PCSK1: variants seen among roughly 807,000 people sequenced by gnomAD.
The protein encoded by PCSK1 is neuroendocrine convertase 1.
A neutral mutation model predicts 90.6 loss-of-function variants in PCSK1; 56 were observed. The observed-to-expected ratio is 0.62, with a 90% CI of 0.50 to 0.77. The LOEUF (loss-of-function observed/expected upper bound fraction) is 0.77. Ranked by LOEUF, PCSK1 falls within the 30% of genes least tolerant of loss-of-function variation. PCSK1 has a pLI of 0.00. For synonymous variants in PCSK1, 348 were observed against 342.4 expected (o/e 1.02, Z -0.18); for missense variants, 801 against 932.6 (o/e 0.86, Z 1.84).
At chr5:96,419,562 C>A (rs1031264573) in intron 5 of PCSK1, among the ~76,000 whole-genome samples, 1 of 151,332 alleles carries the variant, frequency 6.6e-6, no homozygotes, top group Non-Finnish European at 1.5e-5. Flanking sequence ...GATCACCCAA[C>A]TACTAAGTGG....
intron 1 of PCSK1, among the ~76,000 whole-genome samples, chr5:96,429,520 G>A (rs902885877): frequency 2.6e-5 from 4 of 151,944 alleles, no homozygotes; most frequent in African/African-American, 4.8e-5. Context: ...CTTGTGTCAC[G>A]GGGTATTTTT....
chr5:96,393,525 G>T, intron 13 of PCSK1, 147 bp from the exon 14 acceptor site: 2 of 960,720 alleles, frequency 2.1e-6, no homozygotes, highest in Non-Finnish European at 3.3e-6. Flanking sequence ...GAGCCACATG[G>T]ACTTGGGCTT....
intron 5 of PCSK1, among the ~76,000 whole-genome samples, chr5:96,420,502 TC>T: frequency 6.6e-6 from 1 of 152,314 alleles, no homozygotes; most frequent in South Asian, 2.1e-4. Flanking sequence ...ACCCCTTTAG[TC>T]ACCCTCAAAG....
At chr5:96,413,800 CAAAAA>C (rs34702966) in intron 6 of PCSK1, among the ~76,000 whole-genome samples, 4 of 105,700 alleles carry the variant, frequency 3.8e-5, no homozygotes, top group Non-Finnish European at 5.5e-5. Flanking sequence ...GACTCTGTCT[CAAAAA>C]AAAAAAAAAA....
rs1448063047 is a variant in PCSK1, at chr5:96,400,251, C to T, written c.1197-65G>A. 3.7e-6 allele frequency: 4 copies of T among 1,083,402 alleles called. No individual in the cohort carries two copies. In the Admixed American group the frequency reaches 6.8e-5, roughly 18 times the overall value. The allele number at this position is 1,083,402 out of a possible 1,614,324, so 67.1% of individuals were successfully genotyped here. A position where few individuals can be genotyped will look rare whatever the true frequency, so the allele number is the denominator to read the frequency against. ...TGAAGTTTCCTTGCAAAAGCAAGTG[C>T]TAACAATAAGCATCTCCATTCAGGG... is the stretch of plus-strand genomic sequence containing the variant. On this transcript the variant is annotated intron_variant, in intron 9 of 13. Transcript: ENST00000311106.
In PCSK1 at chr5:96,408,356, G is replaced by A. The variant is rs1282004283; in HGVS notation, c.1096-33C>T. The stretch of plus-strand genomic sequence containing the variant: ...ACGTCAGGAAGGAGAGAAAGGCAGG[G>A]AGAACACGTGAGGAGTGTGGGCCTG... On this transcript the variant is annotated intron_variant, in intron 8 of 13. Transcript: ENST00000311106. 2.7e-6 allele frequency: 4 copies of A among 1,474,740 alleles called. No individual in the cohort carries two copies. In the South Asian group the frequency reaches 3.4e-5, roughly 13 times the overall value. 91.4% of individuals were successfully genotyped at this position (1,474,740 alleles called of 1,614,324 possible).
chr5:96,393,495 G>A (rs532317348), intron 13 of PCSK1, 117 bp from the exon 14 acceptor site: 61 of 1,219,742 alleles, frequency 5.0e-5, no homozygotes, highest in Non-Finnish European at 5.9e-5. Flanking sequence ...ATGAGGGGAG[G>A]GGAGAGAGTT....
Position 96,400,194 on chromosome 5 carries a change from G to A in PCSK1, c.1197-8C>T. On this transcript the variant is annotated splice_polypyrimidine_tract_variant and splice_region_variant and intron_variant, in intron 9 of 13. Transcript: ENST00000311106. ...CGCCAGGTGAGATTTGGGCTGGAGG[G>A]GAAGTGACCCAAAGTGTCTTTCAGA... 1 of 1,595,080 alleles carries A rather than the reference G, an allele frequency of 6.3e-7. No individual in the cohort carries two copies. The highest frequency in any genetic ancestry group is 8.6e-7 in the Non-Finnish European group (1 of 1,162,670).
At chr5:96,426,054 AC>A (rs1761297611) in intron 2 of PCSK1, 124 bp from the exon 3 acceptor site, 5 of 697,182 alleles carry the variant, frequency 7.2e-6, no homozygotes, top group Non-Finnish European at 1.3e-5. Context: ...TCATTTGACT[AC>A]AGATTAAACT....
chr5:96,407,780 A>G (rs191635560), intron 9 of PCSK1, among the ~76,000 whole-genome samples: 1 of 152,336 alleles, frequency 6.6e-6, no homozygotes, highest in East Asian at 1.9e-4. Flanking sequence ...CTAGGCTTAC[A>G]TATTCAAAGA....
In PCSK1 at chr5:96,391,576, T is replaced by C. The variant is rs1384551394; in HGVS notation, c.*1425A>G. Reference sequence around the variant, plus strand: ...GATGCGGGTAGTTTGTTTTTCCTAATGCATTTACACTTTGTACACATTCGC... The same window carrying C: ...GATGCGGGTAGTTTGTTTTTCCTAACGCATTTACACTTTGTACACATTCGC... On this transcript the variant is annotated 3_prime_UTR_variant, in exon 14 of 14. Transcript: ENST00000311106. 6.6e-6 allele frequency: 1 copy of C among 152,236 alleles called. No individual in the cohort carries two copies. The allele number at this position is 152,236 out of a possible 1,614,324, so 9.4% of individuals were successfully genotyped here.
intron 9 of PCSK1, among the ~76,000 whole-genome samples, chr5:96,401,660 T>G (rs1199391982): frequency 6.6e-6 from 1 of 152,304 alleles, no homozygotes; most frequent in Non-Finnish European, 1.5e-5. Context: ...CGAGCTCTTT[T>G]ATTCTGCTAT....
intron 5 of PCSK1, among the ~76,000 whole-genome samples, chr5:96,421,056 G>A (rs901561510): frequency 6.6e-6 from 1 of 152,168 alleles, no homozygotes; most frequent in South Asian, 2.1e-4. Flanking sequence ...TGAGAACATC[G>A]GTATGAGCAA....
Position 96,432,922 on chromosome 5 carries a change from C to G in PCSK1, c.121G>C (p.Gly41Arg). The G allele has an allele frequency of 6.2e-7, 1 of 1,614,168 alleles. No individual in the cohort carries two copies. Among genetic ancestry groups the G allele is most frequent in the Non-Finnish European group, 8.5e-7 (1 of 1,179,986 alleles). ...FVNEWAAEIP[G>R]GPEAASAIAE... is the part of the protein sequence containing the mutation. ...ATGGCCGAGGCTGCTTCCGGGCCCC[C>G]GGGGATCTCCGCTGCCCATTCATTG... The change falls in exon 1 of 14, where the codon GGG becomes CGG. Residue 41 changes from glycine (G) to arginine (R), a missense_variant. Physicochemically the swap from Gly to Arg is moderately radical, Grantham distance 125. Coordinates refer to ENST00000311106, the MANE Select transcript of PCSK1 (RefSeq NM_000439.5).
chr5:96,398,856 G>C (rs1261542561), intron 11 of PCSK1, 23 bp downstream of exon 11: 5 of 1,590,312 alleles, frequency 3.1e-6, no homozygotes, highest in Non-Finnish European at 3.5e-6. Context: ...AAATATAAAT[G>C]GCTTAGAACT....
At chr5:96,432,526 G>A (rs1052846452) in intron 1 of PCSK1, among the ~76,000 whole-genome samples, 5 of 152,194 alleles carry the variant, frequency 3.3e-5, no homozygotes, top group African/African-American at 4.8e-5. Flanking sequence ...GTTGGTAAGA[G>A]CTTGAGTGTA....
intron 13 of PCSK1, among the ~76,000 whole-genome samples, chr5:96,393,792 G>T (rs1333903059): frequency 6.6e-6 from 1 of 152,184 alleles, no homozygotes; most frequent in African/African-American, 2.4e-5. Context: ...GCGGTAGCAT[G>T]GGTGTGCCTT....
chr5:96,421,762 G>A (rs1006062305), intron 5 of PCSK1, 118 bp downstream of exon 5: 3 of 758,138 alleles, frequency 4.0e-6, no homozygotes, highest in East Asian at 2.5e-5. Flanking sequence ...TGGTATGGAT[G>A]TTGTGCATTA....
In PCSK1 at chr5:96,393,090, C is replaced by T. The variant is rs1554057158; in HGVS notation, c.2173G>A (p.Val725Ile). ...GGTTTAGTGTTATAAAAAACATCAA[C>T]ATAGTCATTATACAGACTGTCTTCA... ...DSEDSLYNDY[V>I]DVFYNTKPYK... The change falls in exon 14 of 14, where the codon GTT becomes ATT. Residue 725 changes from valine (V) to isoleucine (I), a missense_variant. Physicochemically the swap from Val to Ile is conservative, Grantham distance 29. Coordinates refer to ENST00000311106, the MANE Select transcript of PCSK1 (RefSeq NM_000439.5). 3.7e-6 allele frequency: 6 copies of T among 1,613,990 alleles called. No homozygotes were observed. In the Admixed American group the frequency reaches 1.0e-4, roughly 27 times the overall value.
Sources: allele counts gnomAD v4.1 joint callset (sites outside exome capture counted in the v4.1 genomes callset), GRCh38; gene constraint gnomAD v4.1.1; transcripts MANE v1.5; gene names NCBI Gene and HGNC (gene_info 2026-07-23, HGNC 2026-07-21).